The following BCL9L variants were observed in gnomAD, a reference collection of about 807,000 sequenced individuals.
BCL9L encodes the protein B-cell CLL/lymphoma 9-like protein.
Under a neutral mutation model 99.4 loss-of-function variants are expected in BCL9L, and 19 were observed. The observed-to-expected ratio is 0.19, with a 90% CI of 0.13 to 0.28. The LOEUF is 0.28. Among genes scored for constraint, BCL9L ranks in the 10% least tolerant of loss-of-function variants. The probability of loss-of-function intolerance (pLI) is 1.00; values close to 1 mark genes in which losing one functional copy is unlikely to be tolerated. For missense variants in BCL9L, 2,023 were observed against 2,101.6 expected (o/e 0.96, Z 0.73); for synonymous variants, 900 against 854.8 (o/e 1.05, Z -0.92).
chr11:118,900,976 GATT>G lies in BCL9L; in HGVS notation c.2764_2766del (p.Asn922del), dbSNP rs769722461. 5.8e-6 allele frequency: 9 copies of G among 1,555,402 alleles called. No homozygotes were observed. In the Admixed American group the frequency reaches 1.7e-4, roughly 29 times the overall value. On this transcript the variant is annotated inframe_deletion, in exon 8 of 10. Transcript: ENST00000683865. The surrounding 1 kb of genome is among the most constrained non-coding windows in gnomAD (Gnocchi z 5.3). ...TGCCCCATGCCCGGTGAGCCCATCT[GATT>G]AATACTGATGGTGAGGTCCGAAGGC...
chr11:118,917,255 T>C (rs1391602036), intron 2 of BCL9L, among the ~76,000 whole-genome samples: 1 of 152,118 alleles, frequency 6.6e-6, no homozygotes, highest in African/African-American at 2.4e-5. Flanking sequence ...CTAAAACCCC[T>C]GGGAGGATCA....
At position 118,897,877 on chromosome 11, in the gene BCL9L, G is replaced by A. The variant is rs1467705430; in HGVS notation, c.*538C>T. 4.4e-6 allele frequency: 2 copies of A among 456,726 alleles called. No homozygotes were observed. Among genetic ancestry groups the A allele is most frequent in the African/African-American group, 4.0e-5 (2 of 50,018 alleles). The allele number at this position is 456,726 out of a possible 1,614,324, so 28.3% of individuals were successfully genotyped here. On this transcript the variant is annotated 3_prime_UTR_variant, in exon 10 of 10. Coordinates refer to ENST00000683865, the MANE Select transcript of BCL9L (RefSeq NM_001378213.1). ...CACCTGCCCACCTGGCCAGCCGCCT[G>A]CAGGGAGGGGTGGGAGAGGGGTCAG...
In BCL9L at chr11:118,922,521, T is replaced by C. The variant is rs565057005; in HGVS notation, c.-131+2717A>G. On this transcript the variant is annotated intron_variant, in intron 1 of 9. Coordinates refer to ENST00000683865, the MANE Select transcript of BCL9L (RefSeq NM_001378213.1). The surrounding 1 kb of genome is among the most constrained non-coding windows in gnomAD (Gnocchi z 6.2). ...CGGGGCTGGCAGGCAGGGGCACACA[T>C]GCGGAGCTAGAGCAGCCAGGCGCTC... 2.4e-3 allele frequency among the ~76,000 whole-genome samples: 365 copies of C among 152,196 alleles called. 1 individual carries two copies. Among genetic ancestry groups the C allele is most frequent in the Middle Eastern group, 6.8e-3 (2 of 294 alleles).
At chr11:118,923,051 G>T (rs1327893045) in intron 1 of BCL9L, among the ~76,000 whole-genome samples, 1 of 151,996 alleles carries the variant, frequency 6.6e-6, no homozygotes, top group African/African-American at 2.4e-5. Context: ...CTGCAGAGCT[G>T]GGTGACAGTG....
rs780913017 is a variant in BCL9L, at chr11:118,902,444, C to A, written c.1299G>T (p.Gly433=). Residue 433 remains glycine (G), a synonymous_variant, in exon 8 of 10, where the codon GGG becomes GGT. Coordinates refer to ENST00000683865, the MANE Select transcript of BCL9L (RefSeq NM_001378213.1). This position sits in a 1 kb window ranked among gnomAD's most constrained non-coding sequence, Gnocchi z 7.8. ...CCCCCTCACCCGCTCCTCCTGGGGG[C>A]CCCTTGAGGAAGGGCTCAGTCTCTC... is the stretch of plus-strand genomic sequence containing the variant. The part of the protein sequence containing the change: ...RSGETEPFLK[G]PPGGAGEGGP... The A allele has an allele frequency of 1.3e-6, 2 of 1,597,278 alleles. No individual in the cohort carries two copies. The highest frequency in any genetic ancestry group is 1.7e-6 in the Non-Finnish European group (2 of 1,172,334).
chr11:118,918,293 G>A (rs991814103), intron 2 of BCL9L, among the ~76,000 whole-genome samples: 1 of 152,152 alleles, frequency 6.6e-6, no homozygotes, highest in Non-Finnish European at 1.5e-5. Flanking sequence ...GTCTGTGTCT[G>A]TGTGTCTGTG....
Position 118,900,539 on chromosome 11 carries a change from C to T in BCL9L, c.3124+80G>A. 6.6e-7 allele frequency: 1 copy of T among 1,520,868 alleles called. No individual in the cohort carries two copies. Among genetic ancestry groups the T allele is most frequent in the African/African-American group, 1.4e-5 (1 of 72,796 alleles). 94.2% of individuals were successfully genotyped at this position (1,520,868 alleles called of 1,614,324 possible). A position where few individuals can be genotyped will look rare whatever the true frequency, so the allele number is the denominator to read the frequency against. On this transcript the variant is annotated intron_variant, in intron 8 of 9. Coordinates refer to ENST00000683865, the MANE Select transcript of BCL9L (RefSeq NM_001378213.1). The surrounding 1 kb of genome is among the most constrained non-coding windows in gnomAD (Gnocchi z 5.3). The stretch of plus-strand genomic sequence containing the variant: ...CCCGTGGTACACAGGCCCTTACTCA[C>T]TCACTGCCCAGCCCCAGCATGGACA...
intron 5 of BCL9L, among the ~76,000 whole-genome samples, chr11:118,905,047 T>G (rs1940449741): frequency 6.6e-6 from 1 of 152,192 alleles, no homozygotes. Flanking sequence ...CCTCATTTAC[T>G]CCTCATACCA....
chr11:118,911,947 C>A (rs1449668749), intron 2 of BCL9L, among the ~76,000 whole-genome samples: 2 of 152,262 alleles, frequency 1.3e-5, no homozygotes. Context: ...ATTAGAAAAT[C>A]AGTCCTCTCC....
At position 118,899,288 on chromosome 11, in the gene BCL9L, G is replaced by A. The variant is rs745924544; in HGVS notation, c.3627C>T (p.Pro1209=). 117 of 1,523,942 alleles carry A rather than the reference G, an allele frequency of 7.7e-5. No homozygotes were observed. The highest frequency in any genetic ancestry group is 9.5e-5 in the Non-Finnish European group (108 of 1,136,220). The allele number at this position is 1,523,942 out of a possible 1,614,324, so 94.4% of individuals were successfully genotyped here. A position where few individuals can be genotyped will look rare whatever the true frequency, so the allele number is the denominator to read the frequency against. Residue 1209 remains proline, a synonymous_variant, in exon 10 of 10, where the codon CCC becomes CCT. Transcript: ENST00000683865. ...GGCCACAGGGGGCATTCAGGGAGTC[G>A]GGGCCCCCTGGGGCCATCATCATGG... ...QNSMMMAPGG[P]DSLNAPCGPV...
Position 118,902,690 on chromosome 11 carries a change from G to C in BCL9L, c.1053C>G (p.Thr351=). 1 of 1,599,266 alleles carries C rather than the reference G, an allele frequency of 6.3e-7. No homozygotes were observed. Among genetic ancestry groups the C allele is most frequent in the Non-Finnish European group, 8.5e-7 (1 of 1,179,736 alleles). Reference sequence around the variant, plus strand: ...TGGTAGCCGTCGGGGTGTTAGGGTGGGTGCCCCCAGTCCCACCACCTGTGC... The same window carrying C: ...TGGTAGCCGTCGGGGTGTTAGGGTGCGTGCCCCCAGTCCCACCACCTGTGC... The part of the protein sequence containing the change: ...AASTGGGTGG[T]HPNTPTATTA... Residue 351 remains threonine, a synonymous_variant, in exon 8 of 10, where the codon ACC becomes ACG. Coordinates refer to ENST00000683865, the MANE Select transcript of BCL9L (RefSeq NM_001378213.1). The surrounding 1 kb of genome is among the most constrained non-coding windows in gnomAD (Gnocchi z 7.8).
chr11:118,909,449 A>G (rs1477810399), intron 3 of BCL9L, among the ~76,000 whole-genome samples: 6 of 151,932 alleles, frequency 3.9e-5, no homozygotes, highest in Non-Finnish European at 5.9e-5. Context: ...ATTCCACACC[A>G]GCTCAGATTT....
Position 118,903,195 on chromosome 11 carries a change from CAGAG to C in BCL9L, c.749+37_749+40del, listed in dbSNP as rs59136462. ...GAACCCCAGGCTGAGAGGTGCTGGG[CAGAG>C]AGAGAGAGAGACTTGGCCTGCCCAC... On this transcript the variant is annotated intron_variant, in intron 6 of 9. Coordinates refer to ENST00000683865, the MANE Select transcript of BCL9L (RefSeq NM_001378213.1). The surrounding 1 kb of genome is among the most constrained non-coding windows in gnomAD (Gnocchi z 5.6). 92,067 of 1,416,448 alleles carry C rather than the reference CAGAG, an allele frequency of 0.065. 3,232 individuals carry two copies. The highest frequency in any genetic ancestry group is 0.14 in the South Asian group (11,680 of 81,738). The allele number at this position is 1,416,448 out of a possible 1,614,324, so 87.7% of individuals were successfully genotyped here.
In BCL9L at chr11:118,908,305, T is replaced by C. The variant is rs951906589; in HGVS notation, c.377A>G (p.Glu126Gly). The change falls in exon 4 of 10, where the codon GAG (glutamate) becomes GGG (glycine). Residue 126 changes from glutamate to glycine, a missense_variant. By Grantham distance (98) the Glu-to-Gly change is moderately conservative. Transcript: ENST00000683865. ...SVSVDSGEQR[E>G]AGTPSLDSEA... ...TGAATCCAGGGATGGGGTCCCAGCC[T>C]CTCGCTGCTCTCCAGAGTCCACAGA... is the stretch of plus-strand genomic sequence containing the variant. The C allele has an allele frequency of 6.3e-7, 1 of 1,575,620 alleles. No individual in the cohort carries two copies. The highest frequency in any genetic ancestry group is 1.8e-5 in the Admixed American group (1 of 56,162).
intron 2 of BCL9L, among the ~76,000 whole-genome samples, chr11:118,917,808 C>A (rs73575424): frequency 0.092 from 13,953 of 152,196 alleles, 681 homozygotes; most frequent in Middle Eastern, 0.14. Context: ...CTTCCTCACC[C>A]ATCCTTGTCC....
chr11:118,915,579 C>A (rs1257358155), intron 2 of BCL9L, among the ~76,000 whole-genome samples: 2 of 152,172 alleles, frequency 1.3e-5, no homozygotes, highest in East Asian at 1.9e-4. Flanking sequence ...AGAGCATGAA[C>A]CCAGAGAGGG....
intron 2 of BCL9L, among the ~76,000 whole-genome samples, chr11:118,917,890 G>A (rs1432700448): frequency 6.6e-6 from 1 of 152,028 alleles, no homozygotes; most frequent in Non-Finnish European, 1.5e-5. Flanking sequence ...GAGTTACCAC[G>A]GGCTCGTGAG....
Position 118,901,750 on chromosome 11 carries a change from C to T in BCL9L, c.1993G>A (p.Glu665Lys). The T allele has an allele frequency of 6.2e-7, 1 of 1,612,888 alleles. No individual in the cohort carries two copies. Among genetic ancestry groups the T allele is most frequent in the Non-Finnish European group, 8.5e-7 (1 of 1,179,180 alleles). Residue 665 changes from glutamate to lysine, a missense_variant, in exon 8 of 10, where the codon GAG becomes AAG. Glu to Lys is a moderately conservative substitution (Grantham distance 56, BLOSUM62 1). This residue lies in a region of BCL9L where 1,116 missense variants were observed against 1,194.6 expected (regional missense o/e 0.93). Coordinates refer to ENST00000683865, the MANE Select transcript of BCL9L (RefSeq NM_001378213.1). The surrounding 1 kb of genome is among the most constrained non-coding windows in gnomAD (Gnocchi z 6.6). ...CGGGGAGTCATGAATCGCTCCGCCT[C>T]ACCCTGCCCACCTGGGTAGGGCATG... ...NTMPYPGGQGEAERFMTPRVR... is the reference protein window; with the variant it reads ...NTMPYPGGQGKAERFMTPRVR...
intron 3 of BCL9L, among the ~76,000 whole-genome samples, chr11:118,909,514 G>T (rs548816327): frequency 6.6e-6 from 1 of 152,312 alleles, no homozygotes; most frequent in Admixed American, 6.5e-5. Context: ...CGGCTTCTCC[G>T]GGGAGGGGGG....
Sources: gnomAD v4.1 joint callset for allele counts (sites outside exome capture counted in the v4.1 genomes callset) on GRCh38, gnomAD v4.1.1 for gene constraint, gnomAD v4.1.1 regional missense constraint, Gnocchi (gnomAD v3.1) non-coding constraint, MANE v1.5 for transcripts, NCBI Gene and HGNC (gene_info 2026-07-23, HGNC 2026-07-21) for gene names.